CPPED1: variants seen among roughly 807,000 people sequenced by gnomAD.
CPPED1 encodes calcineurin like phosphoesterase domain containing 1, also known as serine/threonine-protein phosphatase CPPED1.
A neutral mutation model predicts 28.0 loss-of-function variants in CPPED1; 28 were observed. The ratio of observed to expected loss-of-function variants is 1.00; its 90% CI spans 0.74 to 1.37. The LOEUF is 1.37. Ranked by LOEUF, CPPED1 falls within the 40% of genes most tolerant of loss-of-function variation. The probability of loss-of-function intolerance (pLI) is 0.00; values close to 1 mark genes in which losing one functional copy is unlikely to be tolerated. For missense variants in CPPED1, 504 were observed against 416.5 expected (o/e 1.21, Z -1.83); for synonymous variants, 198 against 180.2 (o/e 1.10, Z -0.79).
intron 2 of CPPED1, among the ~76,000 whole-genome samples, chr16:12,761,928 T>A (rs2080412169): frequency 6.6e-6 from 1 of 151,662 alleles, no homozygotes; most frequent in Non-Finnish European, 1.5e-5. Flanking sequence ...GGCATGAGAA[T>A]CACTTGAACA....
intron 1 of CPPED1, among the ~76,000 whole-genome samples, chr16:12,790,510 T>G (rs993309361): frequency 2.6e-5 from 4 of 152,224 alleles, no homozygotes; most frequent in South Asian, 4.1e-4. Flanking sequence ...AAGTAATACC[T>G]AACATTATAA....
At chr16:12,758,409 G>C (rs1401231720) in intron 2 of CPPED1, among the ~76,000 whole-genome samples, 3 of 152,190 alleles carry the variant, frequency 2.0e-5, no homozygotes, top group Admixed American at 6.5e-5. Context: ...TCATCAGACA[G>C]TGAGGCAGGT....
At chr16:12,770,682 T>C (rs1223058499) in intron 2 of CPPED1, among the ~76,000 whole-genome samples, 1 of 151,950 alleles carries the variant, frequency 6.6e-6, no homozygotes, top group East Asian at 1.9e-4. Context: ...TCAGCCGGTG[T>C]GGTGGCACAC....
At chr16:12,702,695 A>G (rs899978099) in intron 3 of CPPED1, among the ~76,000 whole-genome samples, 3 of 152,112 alleles carry the variant, frequency 2.0e-5, no homozygotes, top group Admixed American at 2.0e-4. Context: ...CATGGGCTTT[A>G]CATCATCTAA....
In CPPED1 at chr16:12,663,250, G is replaced by A. The variant is rs1236261762; in HGVS notation, c.*1636C>T. On this transcript the variant is annotated 3_prime_UTR_variant, in exon 4 of 4. Coordinates refer to ENST00000381774, the MANE Select transcript of CPPED1 (RefSeq NM_018340.3). ...TAATTTTTGTATTTTTAGTAGAGAT[G>A]GAGTTTCACCATGTTGGCCAGGCTG... The A allele has an allele frequency of 2.0e-5, 3 of 152,140 alleles. No homozygotes were observed. Among genetic ancestry groups the A allele is most frequent in the African/African-American group, 7.2e-5 (3 of 41,410 alleles). 9.4% of individuals were successfully genotyped at this position (152,140 alleles called of 1,614,324 possible).
chr16:12,672,409 C>A (rs2079857029), intron 3 of CPPED1, among the ~76,000 whole-genome samples: 1 of 152,160 alleles, frequency 6.6e-6, no homozygotes, highest in Non-Finnish European at 1.5e-5. Flanking sequence ...TTATGGAAGA[C>A]CTGTTAAATG....
At chr16:12,780,876 G>C in intron 2 of CPPED1, 1 of 345,718 alleles carries the variant, frequency 2.9e-6, no homozygotes, top group South Asian at 4.0e-5. Context: ...ATAGTGTCTG[G>C]AAGCAGTTCA....
rs895687103 is a variant in CPPED1 at position 12,707,001 on chromosome 16, A to G, written c.290-1952T>C. Among the ~76,000 whole-genome samples the G allele has an allele frequency of 2.8e-4, 42 of 152,332 alleles. 1 individual carries two copies. The highest frequency in any genetic ancestry group is 8.9e-4 in the African/African-American group (37 of 41,592). ...GGGGGTTCATTCACCTACCGTCTGC[A>G]TCGAAGGTGCCATTGATTGACATTG... is the stretch of plus-strand genomic sequence containing the variant. On this transcript the variant is annotated intron_variant, in intron 2 of 3. Transcript: ENST00000381774.
rs1236102087 is a variant in CPPED1, at chr16:12,704,616, G to A, written c.715+8C>T. ...TCCTCCCTGAAACCCGTGGCCCGGG[G>A]CCTCTACCTGCGTGGATGAACTTGT... On this transcript the variant is annotated splice_region_variant and intron_variant, in intron 3 of 3. Coordinates refer to ENST00000381774, the MANE Select transcript of CPPED1 (RefSeq NM_018340.3). 1.2e-6 allele frequency: 2 copies of A among 1,601,222 alleles called. No individual in the cohort carries two copies. The highest frequency in any genetic ancestry group is 1.7e-5 in the Admixed American group (1 of 59,564).
In CPPED1 at chr16:12,663,325, T is replaced by G. The variant is rs2079806919; in HGVS notation, c.*1561A>C. On this transcript the variant is annotated 3_prime_UTR_variant, in exon 4 of 4. Coordinates refer to ENST00000381774, the MANE Select transcript of CPPED1 (RefSeq NM_018340.3). ...ATCTGCCCGTCTCAGCCTCCCAAAG[T>G]GCTGGGATTACAGGCGTAAGCCACT... 1 of 152,294 alleles carries G rather than the reference T, an allele frequency of 6.6e-6. No homozygotes were observed. The highest frequency in any genetic ancestry group is 2.4e-5 in the African/African-American group (1 of 41,446). The allele number at this position is 152,294 out of a possible 1,614,324, so 9.4% of individuals were successfully genotyped here.
chr16:12,727,599 T>C (rs1189831688), intron 2 of CPPED1, among the ~76,000 whole-genome samples: 2 of 152,152 alleles, frequency 1.3e-5, no homozygotes, highest in Admixed American at 1.3e-4. Flanking sequence ...TCCTCACACT[T>C]TGGCCTCCCA....
At chr16:12,683,601 G>A (rs979129937) in intron 3 of CPPED1, among the ~76,000 whole-genome samples, 6 of 152,044 alleles carry the variant, frequency 3.9e-5, no homozygotes, top group African/African-American at 1.4e-4. Context: ...GGTTTAACTG[G>A]AGCACCATGC....
At chr16:12,698,813 G>T (rs749657076) in intron 3 of CPPED1, among the ~76,000 whole-genome samples, 5 of 152,156 alleles carry the variant, frequency 3.3e-5, no homozygotes, top group African/African-American at 7.2e-5. Flanking sequence ...ATAAATACTA[G>T]AAATGAAACT....
chr16:12,709,985 G>A lies in CPPED1; in HGVS notation c.290-4936C>T, dbSNP rs369793250. Among the ~76,000 whole-genome samples the A allele has an allele frequency of 2.0e-5, 3 of 148,330 alleles. No individual in the cohort carries two copies. The East Asian group carries it at 6.0e-4, about 30-fold the overall frequency. On this transcript the variant is annotated intron_variant, in intron 2 of 3. Transcript: ENST00000381774. The surrounding 1 kb of genome is among the most constrained non-coding windows in gnomAD (Gnocchi z 4.4). ...GAAGGAAGGCAAGGAAGGAAGGAAG[G>A]GAAGAGAAGAGAAGGAAGGAAGGGA... is the stretch of plus-strand genomic sequence containing the variant.
Position 12,663,412 on chromosome 16 carries a change from C to T in CPPED1, c.*1474G>A, listed in dbSNP as rs2079807566. 6.6e-6 allele frequency: 1 copy of T among 152,140 alleles called. No homozygotes were observed. Among genetic ancestry groups the T allele is most frequent in the Admixed American group, 6.6e-5 (1 of 15,266 alleles). 9.4% of individuals were successfully genotyped at this position (152,140 alleles called of 1,614,324 possible). On this transcript the variant is annotated 3_prime_UTR_variant, in exon 4 of 4. Coordinates refer to ENST00000381774, the MANE Select transcript of CPPED1 (RefSeq NM_018340.3). ...CCTTTACCGAACTCCTTTTCTTGAC[C>T]TCCTATACCTACACCTGTTGTAAAG...
In CPPED1 at chr16:12,672,645, G is replaced by C. The variant is rs937635906; in HGVS notation, c.716-7530C>G. ...CATAGACATTAAACTGCTTATAGTG[G>C]TGGCTCCAGGTGAGGGGTGTGGGGT... On this transcript the variant is annotated intron_variant, in intron 3 of 3. Transcript: ENST00000381774. Among the ~76,000 whole-genome samples the C allele has an allele frequency of 3.3e-5, 5 of 152,182 alleles. 1 individual carries two copies. In the South Asian group the frequency reaches 1.0e-3, roughly 31 times the overall value.
rs890728070 is a variant in CPPED1, at chr16:12,662,649, A to C, written c.*2237T>G. 7.2e-5 allele frequency: 11 copies of C among 152,182 alleles called. No homozygotes were observed. The highest frequency in any genetic ancestry group is 2.7e-4 in the African/African-American group (11 of 41,418). The allele number at this position is 152,182 out of a possible 1,614,324, so 9.4% of individuals were successfully genotyped here. ...ATGAAGTATTCGACTTTCTACTTCT[A>C]AGTTATTTCACTTAAGATAACAGCC... On this transcript the variant is annotated 3_prime_UTR_variant, in exon 4 of 4. Coordinates refer to ENST00000381774, the MANE Select transcript of CPPED1 (RefSeq NM_018340.3).
At chr16:12,713,365 T>C (rs1002272712) in intron 2 of CPPED1, among the ~76,000 whole-genome samples, 3 of 152,140 alleles carry the variant, frequency 2.0e-5, no homozygotes, top group Non-Finnish European at 2.9e-5. Context: ...TTTCTTCTTT[T>C]TTATTTTTTA....
intron 3 of CPPED1, among the ~76,000 whole-genome samples, chr16:12,696,933 G>A (rs747075063): frequency 5.9e-5 from 9 of 152,074 alleles, no homozygotes; most frequent in East Asian, 1.9e-4. Context: ...CCTGCCCACC[G>A]GCCCAGACGC....
Sources: allele counts gnomAD v4.1 joint callset (sites outside exome capture counted in the v4.1 genomes callset), GRCh38; gene constraint gnomAD v4.1.1; non-coding constraint Gnocchi (gnomAD v3.1); transcripts MANE v1.5; gene names NCBI Gene and HGNC (gene_info 2026-07-23, HGNC 2026-07-21).